Variants in UCHL3 observed in about 807,000 individuals in gnomAD.
UCHL3 encodes ubiquitin carboxyl-terminal hydrolase isozyme L3.
A neutral mutation model predicts 35.8 loss-of-function variants in UCHL3; 22 were observed. That is an observed-to-expected ratio of 0.61 (90% confidence interval 0.44 to 0.88). The LOEUF is 0.88. Among genes scored for constraint, UCHL3 ranks in the 40% least tolerant of loss-of-function variants. The pLI is 0.00. For missense variants in UCHL3, 229 were observed against 276.9 expected, an observed-to-expected ratio of 0.83 and a Z score of 1.23; for synonymous variants, 90 against 92.8, an observed-to-expected ratio of 0.97 and a Z score of 0.17.
chr13:75,598,778 C>T (rs1279539249), intron 7 of UCHL3, among the ~76,000 whole-genome samples: 1 of 152,154 alleles, frequency 6.6e-6, no homozygotes, highest in Non-Finnish European at 1.5e-5. Context: ...AGAAGTATGT[C>T]ATGCAGTTGC....
In UCHL3 at chr13:75,592,419, T is replaced by TATATATATATGTATATACATATATAC. The variant is rs1566227784; in HGVS notation, c.475-2486_475-2485insGTATATACATATATACATATATATAT. 1.6e-3 allele frequency among the ~76,000 whole-genome samples: 66 copies of TATATATATATGTATATACATATATAC among 42,240 alleles called. 7 individuals are homozygous for TATATATATATGTATATACATATATAC. The highest frequency in any genetic ancestry group is 3.9e-3 in the African/African-American group (29 of 7,352). 27.7% of individuals were successfully genotyped at this position (42,240 alleles called of 152,430 possible). Reference sequence around the variant, plus strand: ...GTGGAATTTTAATTTTTCCTTCATATATATATATATATATATATATATATA... The same window carrying TATATATATATGTATATACATATATAC: ...GTGGAATTTTAATTTTTCCTTCATATATATATATATGTATATACATATATACATATATATATATATATATATATATA... On this transcript the variant is annotated intron_variant, in intron 6 of 8. Transcript: ENST00000377595.
intron 7 of UCHL3, among the ~76,000 whole-genome samples, chr13:75,601,982 G>T (rs1243396513): frequency 6.6e-6 from 1 of 152,128 alleles, no homozygotes; most frequent in East Asian, 1.9e-4. Flanking sequence ...GGTGGTGGGT[G>T]CCTGTAGTCC....
intron 6 of UCHL3, among the ~76,000 whole-genome samples, chr13:75,587,765 C>T (rs907347963): frequency 1.3e-5 from 2 of 152,058 alleles, no homozygotes; most frequent in African/African-American, 4.8e-5. Context: ...GCCATCATAC[C>T]TGAAGTTGGA....
intron 6 of UCHL3, among the ~76,000 whole-genome samples, chr13:75,583,581 G>T (rs1169655428): frequency 6.6e-6 from 1 of 152,104 alleles, no homozygotes; most frequent in Admixed American, 6.5e-5. Context: ...AGCTATTATG[G>T]TTGTTGTTTT....
At chr13:75,592,448 A>ATATATATG (rs2032525895) in intron 6 of UCHL3, among the ~76,000 whole-genome samples, 1 of 116,644 alleles carries the variant, frequency 8.6e-6, no homozygotes, top group Non-Finnish European at 1.8e-5. Flanking sequence ...ATATATATAT[A>ATATATATG]TATATATATA....
chr13:75,594,425 A>C (rs2032589477), intron 6 of UCHL3, among the ~76,000 whole-genome samples: 1 of 152,344 alleles, frequency 6.6e-6, no homozygotes, highest in South Asian at 2.1e-4. Flanking sequence ...CACTGTTGAA[A>C]CATCAGATTA....
At chr13:75,588,233 C>A (rs1437381988) in intron 6 of UCHL3, among the ~76,000 whole-genome samples, 2 of 152,140 alleles carry the variant, frequency 1.3e-5, no homozygotes, top group East Asian at 3.9e-4. Context: ...CCCATCCCAA[C>A]TTTATATATT....
At chr13:75,598,888 C>T (rs778758481) in intron 7 of UCHL3, among the ~76,000 whole-genome samples, 11 of 152,176 alleles carry the variant, frequency 7.2e-5, no homozygotes, top group Non-Finnish European at 1.3e-4. Context: ...AAAATTCCCC[C>T]AACATTAGAA....
Position 75,567,252 on chromosome 13 carries a change from C to G in UCHL3, c.366C>G (p.Phe122Leu), listed in dbSNP as rs756520815. The change falls in exon 5 of 9, where the codon TTC becomes TTG. Residue 122 changes from phenylalanine (F) to leucine (L), a missense_variant. Coordinates refer to ENST00000377595, the MANE Select transcript of UCHL3 (RefSeq NM_006002.5). ...HFESGSTLKK[F>L]LEESVSMSPE... ...AATCTGGATCAACCTTGAAAAAATT[C>G]CTGGAGGAATCTGTGTCAATGAGCC... 1 of 1,613,940 alleles carries G rather than the reference C, an allele frequency of 6.2e-7. No homozygotes were observed. The highest frequency in any genetic ancestry group is 8.5e-7 in the Non-Finnish European group (1 of 1,179,950).
chr13:75,576,452 A>G (rs887020257), intron 6 of UCHL3, among the ~76,000 whole-genome samples: 6 of 150,654 alleles, frequency 4.0e-5, no homozygotes, highest in Non-Finnish European at 1.5e-5. Context: ...GATGGTCTCA[A>G]TCTCCTGACC....
intron 6 of UCHL3, among the ~76,000 whole-genome samples, chr13:75,580,248 T>A (rs953592806): frequency 6.6e-6 from 1 of 152,222 alleles, no homozygotes; most frequent in Non-Finnish European, 1.5e-5. Context: ...CTTTGCATCT[T>A]TTGTATGGAT....
intron 6 of UCHL3, among the ~76,000 whole-genome samples, chr13:75,592,625 A>T (rs1469334493): frequency 6.7e-6 from 1 of 150,244 alleles, no homozygotes; most frequent in East Asian, 1.9e-4. Context: ...ATAATTACAG[A>T]TTTTTAGACT....
intron 2 of UCHL3, among the ~76,000 whole-genome samples, chr13:75,550,390 C>T (rs553532334): frequency 1.3e-5 from 2 of 152,274 alleles, no homozygotes; most frequent in South Asian, 2.1e-4. Context: ...TGTAAACTCG[C>T]CCACCCAGTC....
chr13:75,580,194 C>T (rs2032140376), intron 6 of UCHL3, among the ~76,000 whole-genome samples: 1 of 152,128 alleles, frequency 6.6e-6, no homozygotes, highest in Non-Finnish European at 1.5e-5. Context: ...CCATATTTAA[C>T]TTGTGACTTC....
Position 75,605,751 on chromosome 13 carries a change from A to T in UCHL3, c.632A>T (p.Lys211Met). 6.2e-7 allele frequency: 1 copy of T among 1,613,980 alleles called. No homozygotes were observed. Among genetic ancestry groups the T allele is most frequent in the Non-Finnish European group, 8.5e-7 (1 of 1,179,954 alleles). The part of the protein sequence containing the change: ...LLEDAIEVCK[K>M]FMERDPDELR... Reference sequence around the variant, plus strand: ...TAGGATGCCATAGAAGTTTGCAAGAAGTTTATGGAGCGCGACCCTGATGAA... The same window carrying T: ...TAGGATGCCATAGAAGTTTGCAAGATGTTTATGGAGCGCGACCCTGATGAA... Residue 211 changes from lysine (K) to methionine (M), a missense_variant, in exon 9 of 9, where the codon AAG becomes ATG. Lys to Met is a moderately conservative substitution (Grantham distance 95). Transcript: ENST00000377595.
intron 7 of UCHL3, among the ~76,000 whole-genome samples, chr13:75,596,267 G>A (rs1228968938): frequency 6.6e-6 from 1 of 152,194 alleles, no homozygotes; most frequent in Non-Finnish European, 1.5e-5. Flanking sequence ...CCTGAGCGTT[G>A]TCTACAATAC....
At position 75,605,898 on chromosome 13, in the gene UCHL3, T is replaced by C; in HGVS notation, c.*86T>C. On this transcript the variant is annotated 3_prime_UTR_variant, in exon 9 of 9. Coordinates refer to ENST00000377595, the MANE Select transcript of UCHL3 (RefSeq NM_006002.5). Reference sequence around the variant, plus strand: ...CACTAACTCAAAAATTTTGATATTTTCATTAACTTGATGATTAAACTTTAT... The same window carrying C: ...CACTAACTCAAAAATTTTGATATTTCCATTAACTTGATGATTAAACTTTAT... The C allele has an allele frequency of 7.6e-7, 1 of 1,314,344 alleles. No homozygotes were observed. Among genetic ancestry groups the C allele is most frequent in the Non-Finnish European group, 1.1e-6 (1 of 923,938 alleles). The allele number at this position is 1,314,344 out of a possible 1,614,324, so 81.4% of individuals were successfully genotyped here.
At chr13:75,589,338 T>A (rs973233165) in intron 6 of UCHL3, among the ~76,000 whole-genome samples, 1 of 152,218 alleles carries the variant, frequency 6.6e-6, no homozygotes, top group African/African-American at 2.4e-5. Flanking sequence ...AGATGCGTAT[T>A]ATATTTAATG....
chr13:75,569,900 C>A (rs987677878), intron 6 of UCHL3, among the ~76,000 whole-genome samples: 1 of 152,198 alleles, frequency 6.6e-6, no homozygotes, highest in Non-Finnish European at 1.5e-5. Context: ...AGCAGAAAAC[C>A]ACATCATTTT....
Sources: allele counts gnomAD v4.1 joint callset (sites outside exome capture counted in the v4.1 genomes callset), GRCh38; gene constraint gnomAD v4.1.1; transcripts MANE v1.5; gene names NCBI Gene and HGNC (gene_info 2026-07-23, HGNC 2026-07-21).